Variants in LHFPL3 observed in about 807,000 individuals in gnomAD.
LHFPL3 encodes the protein LHFPL tetraspan subfamily member 3 protein.
Under a neutral mutation model 19.3 loss-of-function variants are expected in LHFPL3, and 5 were observed. The observed-to-expected ratio is 0.26, with a 90% confidence interval of 0.14 to 0.54. The LOEUF (loss-of-function observed/expected upper bound fraction) is 0.54, where lower values mean the gene tolerates loss of function less well. Among genes scored for constraint, LHFPL3 ranks in the 20% least tolerant of loss-of-function variants. LHFPL3 has a pLI of 0.94. For synonymous variants in LHFPL3, 133 were observed against 126.2 expected (o/e 1.05, Z -0.36); for missense variants, 249 against 307.4 (o/e 0.81, Z 1.42).
chr7:104,743,102 CAG>C (rs1341448923), intron 2 of LHFPL3, among the ~76,000 whole-genome samples: 1 of 152,022 alleles, frequency 6.6e-6, no homozygotes, highest in Admixed American at 6.5e-5. Flanking sequence ...GCCTGGGCGA[CAG>C]AGAGAGACTC....
chr7:104,395,545 T>C (rs573278820), intron 1 of LHFPL3, among the ~76,000 whole-genome samples: 1 of 152,156 alleles, frequency 6.6e-6, no homozygotes, highest in East Asian at 1.9e-4. Flanking sequence ...CTCTCCATAA[T>C]TTTATGTATT....
At chr7:104,462,517 C>A (rs550033643) in intron 1 of LHFPL3, among the ~76,000 whole-genome samples, 1 of 152,234 alleles carries the variant, frequency 6.6e-6, no homozygotes, top group South Asian at 2.1e-4. Context: ...ATCTTTAGTT[C>A]TGTTTATGTG....
chr7:104,810,138 G>A (rs1790437240), intron 2 of LHFPL3, among the ~76,000 whole-genome samples: 1 of 152,186 alleles, frequency 6.6e-6, no homozygotes, highest in South Asian at 2.1e-4. Flanking sequence ...CATGGGCACA[G>A]TGCTTCCTAA....
At chr7:104,559,811 G>T (rs1256761349) in intron 1 of LHFPL3, among the ~76,000 whole-genome samples, 4 of 149,248 alleles carry the variant, frequency 2.7e-5, no homozygotes, top group African/African-American at 1.0e-4. Context: ...GATATTGGCT[G>T]TGGGTTTGTC....
intron 1 of LHFPL3, among the ~76,000 whole-genome samples, chr7:104,465,220 A>T (rs1383086687): frequency 6.6e-6 from 1 of 151,838 alleles, no homozygotes; most frequent in Non-Finnish European, 1.5e-5. Context: ...TTCATTGTCC[A>T]TATCACCATA....
chr7:104,633,243 T>C (rs1185234868), intron 1 of LHFPL3, among the ~76,000 whole-genome samples: 1 of 152,224 alleles, frequency 6.6e-6, no homozygotes, highest in Non-Finnish European at 1.5e-5. Flanking sequence ...TGAGTGCCAG[T>C]TGAATATTTG....
At chr7:104,488,007 A>G (rs1280104192) in intron 1 of LHFPL3, among the ~76,000 whole-genome samples, 1 of 152,168 alleles carries the variant, frequency 6.6e-6, no homozygotes, top group African/African-American at 2.4e-5. Flanking sequence ...TGAAGTCCAT[A>G]TCTAGTTTCT....
At chr7:104,690,573 A>G (rs1356560957) in intron 1 of LHFPL3, among the ~76,000 whole-genome samples, 1 of 152,218 alleles carries the variant, frequency 6.6e-6, no homozygotes, top group African/African-American at 2.4e-5. Context: ...GTGCCAGGGG[A>G]TAGGAAATAA....
At chr7:104,392,931 C>G (rs10953431) in intron 1 of LHFPL3, among the ~76,000 whole-genome samples, 65,547 of 151,938 alleles carry the variant, frequency 0.43, 14,449 homozygotes, top group Admixed American at 0.56. Flanking sequence ...TGTATGTGTC[C>G]AGGAATTTAT....
In LHFPL3 at chr7:104,382,376, C is replaced by T. The variant is rs560734192; in HGVS notation, c.445+53152C>T. Among the ~76,000 whole-genome samples the T allele has an allele frequency of 5.3e-4, 81 of 152,256 alleles. 1 individual carries two copies. The South Asian group carries it at 0.016, about 30-fold the overall frequency. ...GGTGGCGCATGCCTGTAATCCCACC[C>T]GCTTGGGAGGGTGAGGCAAGAGAAT... On this transcript the variant is annotated intron_variant, in intron 1 of 2. Transcript: ENST00000424859.
chr7:104,481,954 TC>T (rs950605996), intron 1 of LHFPL3, among the ~76,000 whole-genome samples: 4 of 152,112 alleles, frequency 2.6e-5, no homozygotes, highest in African/African-American at 9.7e-5. Context: ...TGCATCTAAT[TC>T]CCCCTTCCAC....
At chr7:104,501,828 T>C (rs1213861663) in intron 1 of LHFPL3, among the ~76,000 whole-genome samples, 5 of 152,230 alleles carry the variant, frequency 3.3e-5, no homozygotes, top group African/African-American at 4.8e-5. Context: ...TCTGCAGCTA[T>C]GTTTAGACTC....
chr7:104,739,607 G>C (rs185536932), intron 2 of LHFPL3, among the ~76,000 whole-genome samples: 74 of 151,884 alleles, frequency 4.9e-4, no homozygotes, highest in Non-Finnish European at 8.4e-4. Flanking sequence ...TTTTGCTGCT[G>C]TTCTTGTTTT....
chr7:104,408,458 A>G (rs1791463404), intron 1 of LHFPL3, among the ~76,000 whole-genome samples: 1 of 152,002 alleles, frequency 6.6e-6, no homozygotes, highest in Non-Finnish European at 1.5e-5. Flanking sequence ...TGCTATTTGG[A>G]ATAAATTTGA....
intron 2 of LHFPL3, among the ~76,000 whole-genome samples, chr7:104,867,006 T>C (rs1163302463): frequency 6.6e-6 from 1 of 152,132 alleles, no homozygotes; most frequent in Non-Finnish European, 1.5e-5. Flanking sequence ...AAGGCAGAAA[T>C]AAAGATGTTC....
chr7:104,571,908 C>T (rs1349915912), intron 1 of LHFPL3, among the ~76,000 whole-genome samples: 1 of 152,146 alleles, frequency 6.6e-6, no homozygotes, highest in African/African-American at 2.4e-5. Flanking sequence ...TTTATGTAAA[C>T]ACACACACAC....
At chr7:104,369,524 T>C (rs1310162578) in intron 1 of LHFPL3, among the ~76,000 whole-genome samples, 1 of 152,246 alleles carries the variant, frequency 6.6e-6, no homozygotes, top group Non-Finnish European at 1.5e-5. Context: ...ATAATGTTTG[T>C]ATTTCTTTTG....
rs978413231 is a variant in LHFPL3 at position 104,744,980 on chromosome 7, GC to G, written c.682+8071del. 4.7e-3 allele frequency among the ~76,000 whole-genome samples: 706 copies of G among 149,642 alleles called. 5 individuals carry two copies. Among genetic ancestry groups the G allele is most frequent in the African/African-American group, 0.016 (654 of 41,020 alleles). On this transcript the variant is annotated intron_variant, in intron 2 of 2. Transcript: ENST00000424859. ...TCTGATTTCTCCCAAGTTTAAGTAAGCCTCCTCCCATCCCTTCAATGAACTT... is the reference window on the plus strand; with the variant it reads ...TCTGATTTCTCCCAAGTTTAAGTAAGCTCCTCCCATCCCTTCAATGAACTT...
At chr7:104,616,033 A>G (rs191758829) in intron 1 of LHFPL3, among the ~76,000 whole-genome samples, 2 of 152,370 alleles carry the variant, frequency 1.3e-5, no homozygotes, top group Admixed American at 1.3e-4. Context: ...GGATAGGAAG[A>G]ATCAATATCG....
Sources: gnomAD v4.1 joint callset for allele counts (sites outside exome capture counted in the v4.1 genomes callset) on GRCh38, gnomAD v4.1.1 for gene constraint, MANE v1.5 for transcripts, NCBI Gene and HGNC (gene_info 2026-07-23, HGNC 2026-07-21) for gene names.